SPAG16: variants seen among roughly 807,000 people sequenced by gnomAD.
SPAG16 encodes sperm associated antigen 16, also known as sperm-associated antigen 16 protein.
A neutral mutation model predicts 80.4 loss-of-function variants in SPAG16; 86 were observed. The ratio of observed to expected loss-of-function variants is 1.07; its 90% CI spans 0.90 to 1.28. The LOEUF (loss-of-function observed/expected upper bound fraction) is 1.28, where lower values mean the gene tolerates loss of function less well. SPAG16 is among the 50% of genes most tolerant of loss of function. The pLI is 0.00. For synonymous variants in SPAG16, 294 were observed against 265.9 expected (o/e 1.11, Z -1.03); for missense variants, 870 against 765.3 (o/e 1.14, Z -1.61).
chr2:214,056,308 C>T (rs959676478), intron 13 of SPAG16, among the ~76,000 whole-genome samples: 1 of 151,354 alleles, frequency 6.6e-6, no homozygotes, highest in Non-Finnish European at 1.5e-5. Flanking sequence ...CACACACACA[C>T]ACACACGCAT....
At chr2:213,705,324 A>C (rs1351614940) in intron 10 of SPAG16, among the ~76,000 whole-genome samples, 1 of 152,146 alleles carries the variant, frequency 6.6e-6, no homozygotes, top group African/African-American at 2.4e-5. Context: ...GGAATCAAGT[A>C]GACTAGTTAA....
chr2:213,398,683 A>C (rs533793457), intron 9 of SPAG16, among the ~76,000 whole-genome samples: 1 of 152,090 alleles, frequency 6.6e-6, no homozygotes, highest in Non-Finnish European at 1.5e-5. Context: ...CCTCTAATTC[A>C]CTGGCACTTC....
chr2:213,884,966 G>T (rs953721298), intron 11 of SPAG16, among the ~76,000 whole-genome samples: 5 of 152,108 alleles, frequency 3.3e-5, no homozygotes, highest in Admixed American at 3.3e-4. Flanking sequence ...TCCAGATTCT[G>T]AATTCCTTGT....
intron 13 of SPAG16, among the ~76,000 whole-genome samples, chr2:214,064,790 T>C (rs1463328136): frequency 6.6e-6 from 1 of 152,148 alleles, no homozygotes; most frequent in Non-Finnish European, 1.5e-5. Context: ...TTAAATACTC[T>C]GTGTGGTAAT....
At chr2:213,963,019 T>C (rs550643311) in intron 12 of SPAG16, among the ~76,000 whole-genome samples, 16 of 152,158 alleles carry the variant, frequency 1.1e-4, no homozygotes, top group African/African-American at 3.8e-4. Context: ...TCTATTGTTT[T>C]TATAATCACT....
chr2:213,777,664 C>T (rs1482141591), intron 10 of SPAG16, among the ~76,000 whole-genome samples: 1 of 152,082 alleles, frequency 6.6e-6, no homozygotes, highest in Non-Finnish European at 1.5e-5. Flanking sequence ...GCCTCGGCCT[C>T]CCAAAGTGTT....
At chr2:213,421,472 C>T (rs1370037896) in intron 9 of SPAG16, among the ~76,000 whole-genome samples, 1 of 152,186 alleles carries the variant, frequency 6.6e-6, no homozygotes, top group Non-Finnish European at 1.5e-5. Context: ...TAGATGGTGG[C>T]AGGAGGCAGA....
rs373406943 is a variant in SPAG16, at chr2:214,080,320, C to G, written c.1528-27876C>G. Among the ~76,000 whole-genome samples the G allele has an allele frequency of 4.1e-4, 63 of 151,948 alleles. 1 individual carries two copies. In the South Asian group the frequency reaches 0.013, roughly 32 times the overall value. On this transcript the variant is annotated intron_variant, in intron 13 of 15. Coordinates refer to ENST00000331683, the MANE Select transcript of SPAG16 (RefSeq NM_024532.5). ...TGAAAAATTCTAACCACATTAAGGC[C>G]AGGCACGGTGGCTCACGCCTGTAAT...
At chr2:213,426,832 TACATACAC>T (rs746141994) in intron 9 of SPAG16, among the ~76,000 whole-genome samples, 855 of 65,328 alleles carry the variant, frequency 0.013, 5 homozygotes, top group Middle Eastern at 0.021. Flanking sequence ...ATTATTCTGA[TACATACAC>T]ACACACACAC....
intron 15 of SPAG16, among the ~76,000 whole-genome samples, chr2:214,182,336 G>C (rs2057334162): frequency 6.6e-6 from 1 of 151,694 alleles, no homozygotes; most frequent in African/African-American, 2.4e-5. Flanking sequence ...AATGCCTCCA[G>C]TAGTACACTG....
Position 213,375,033 on chromosome 2 carries a change from A to G in SPAG16, c.856A>G (p.Asn286Asp), listed in dbSNP as rs776509794. ...AGTTGATCATAGTCGTGAAAAAGAA[A>G]ATGCACCAGAAGGTCCTACTCAGAA... ...IKVDHSREKE[N>D]APEGPTQKGL... The change falls in exon 9 of 16, where the codon AAT becomes GAT. Residue 286 changes from asparagine (N) to aspartate (D), a missense_variant. Coordinates refer to ENST00000331683, the MANE Select transcript of SPAG16 (RefSeq NM_024532.5). 38 of 1,606,528 alleles carry G rather than the reference A, an allele frequency of 2.4e-5. No homozygotes were observed. The highest frequency in any genetic ancestry group is 3.1e-5 in the Non-Finnish European group (37 of 1,177,296).
intron 15 of SPAG16, among the ~76,000 whole-genome samples, chr2:214,348,158 G>A (rs1164117844): frequency 1.3e-5 from 2 of 152,192 alleles, no homozygotes; most frequent in African/African-American, 4.8e-5. Flanking sequence ...TTCACAAGGT[G>A]TCACATGAAG....
chr2:213,986,891 C>CAAAAAAAAAA (rs369965944), intron 12 of SPAG16, among the ~76,000 whole-genome samples: 5 of 57,646 alleles, frequency 8.7e-5, no homozygotes, highest in African/African-American at 2.6e-4. Context: ...TCTGGTATAG[C>CAAAAAAAAAA]AAAAAAAAAA....
intron 10 of SPAG16, among the ~76,000 whole-genome samples, chr2:213,574,920 G>C (rs1043524510): frequency 6.6e-6 from 1 of 151,760 alleles, no homozygotes; most frequent in Non-Finnish European, 1.5e-5. Context: ...TCTGCAGTTT[G>C]CCTTCCCATT....
intron 12 of SPAG16, among the ~76,000 whole-genome samples, chr2:213,944,813 T>C (rs571128991): frequency 4.0e-4 from 61 of 152,170 alleles, no homozygotes; most frequent in African/African-American, 1.4e-3. Context: ...GGAGCCCTCT[T>C]GAATGGGAGT....
intron 13 of SPAG16, among the ~76,000 whole-genome samples, chr2:214,089,560 T>A (rs2052026531): frequency 6.6e-6 from 1 of 152,058 alleles, no homozygotes; most frequent in Non-Finnish European, 1.5e-5. Context: ...GCTCATAGTT[T>A]AAATTACCAT....
chr2:214,200,873 T>A (rs1262332925), intron 15 of SPAG16, among the ~76,000 whole-genome samples: 2 of 152,184 alleles, frequency 1.3e-5, no homozygotes, highest in Non-Finnish European at 2.9e-5. Flanking sequence ...TAGCTTTTGA[T>A]TCAAGAAAAT....
intron 10 of SPAG16, among the ~76,000 whole-genome samples, chr2:213,494,652 CAT>C (rs1263904650): frequency 6.6e-6 from 1 of 152,182 alleles, no homozygotes; most frequent in Admixed American, 6.5e-5. Context: ...AATAGCCAAA[CAT>C]ATTTTGAAAA....
rs185510080 is a variant in SPAG16, at chr2:213,327,615, A to G, written c.536+10259A>G. On this transcript the variant is annotated intron_variant, in intron 5 of 15. Transcript: ENST00000331683. Reference sequence around the variant, plus strand: ...TGTGGGTTTACATTTCACATAAGATAAAAATAAGCTCATTTATGTAATTCA... The same window carrying G: ...TGTGGGTTTACATTTCACATAAGATGAAAATAAGCTCATTTATGTAATTCA... Among the ~76,000 whole-genome samples, 14 of 152,298 alleles carry G rather than the reference A, an allele frequency of 9.2e-5. 1 individual carries two copies. In the East Asian group the frequency reaches 2.7e-3, roughly 29 times the overall value.
Sources: gnomAD v4.1 joint callset for allele counts (sites outside exome capture counted in the v4.1 genomes callset) on GRCh38, gnomAD v4.1.1 for gene constraint, MANE v1.5 for transcripts, NCBI Gene and HGNC (gene_info 2026-07-23, HGNC 2026-07-21) for gene names.